The following L3MBTL4 variants were observed in gnomAD, a reference collection of about 807,000 sequenced individuals.
The protein encoded by L3MBTL4 is L3MBTL histone methyl-lysine binding protein 4, also known as lethal(3)malignant brain tumor-like protein 4.
L3MBTL4 carries 70 observed loss-of-function variants against 84.5 expected under a neutral mutation model. The observed-to-expected ratio is 0.83, with a 90% CI of 0.68 to 1.01. L3MBTL4 has a LOEUF of 1.01. L3MBTL4 is among the 50% of genes least tolerant of loss of function. The pLI, the probability that L3MBTL4 is intolerant of heterozygous loss-of-function variation, is 0.00. For missense variants in L3MBTL4, 715 were observed against 754.8 expected, an observed-to-expected ratio of 0.95 and a Z score of 0.62; for synonymous variants, 274 against 259.8, an observed-to-expected ratio of 1.05 and a Z score of -0.52.
intron 4 of L3MBTL4, among the ~76,000 whole-genome samples, chr18:6,269,262 C>T (rs2048764734): frequency 6.6e-6 from 1 of 151,946 alleles, no homozygotes; most frequent in African/African-American, 2.4e-5. Context: ...GAGATCGAGA[C>T]CATCCTAACA....
intron 16 of L3MBTL4, among the ~76,000 whole-genome samples, chr18:5,990,271 C>T (rs1008514324): frequency 3.3e-5 from 5 of 152,206 alleles, no homozygotes; most frequent in Non-Finnish European, 2.9e-5. Context: ...AAAATGGCAA[C>T]TACTTTATAA....
At chr18:6,308,173 T>C (rs1021169629) in intron 3 of L3MBTL4, among the ~76,000 whole-genome samples, 2 of 152,152 alleles carry the variant, frequency 1.3e-5, no homozygotes, top group African/African-American at 4.8e-5. Context: ...AAAGACAAAA[T>C]ACGTCAAGGA....
intron 10 of L3MBTL4, among the ~76,000 whole-genome samples, chr18:6,222,949 TTATAATATAA>T (rs11281784): frequency 7.6e-4 from 110 of 145,640 alleles, no homozygotes; most frequent in African/African-American, 1.1e-3. Context: ...AATTTTTCTA[TTATAATATAA>T]TATAATATAA....
chr18:6,252,750 C>A (rs1166223687), intron 5 of L3MBTL4, among the ~76,000 whole-genome samples: 1 of 152,102 alleles, frequency 6.6e-6, no homozygotes, highest in Non-Finnish European at 1.5e-5. Flanking sequence ...GCAAAAGATG[C>A]AAAAAATATT....
chr18:6,250,959 G>C (rs1416817447), intron 5 of L3MBTL4, among the ~76,000 whole-genome samples: 2 of 152,154 alleles, frequency 1.3e-5, no homozygotes, highest in African/African-American at 4.8e-5. Context: ...GAAATATGAG[G>C]AAGTCTTACA....
chr18:6,229,805 A>G lies in L3MBTL4; in HGVS notation c.784+8159T>C, dbSNP rs947808681. Among the ~76,000 whole-genome samples the G allele has an allele frequency of 3.3e-5, 5 of 152,032 alleles. No homozygotes were observed. In the South Asian group the frequency reaches 1.0e-3, roughly 32 times the overall value. The stretch of plus-strand genomic sequence containing the variant: ...CCATAACTGCAAGGGTGTATTTGTG[A>G]GCTCTCTATTCTACTCCACTCTCTA... On this transcript the variant is annotated intron_variant, in intron 10 of 18. Transcript: ENST00000317931.
At chr18:5,992,319 G>A (rs2053740879) in intron 16 of L3MBTL4, among the ~76,000 whole-genome samples, 1 of 152,112 alleles carries the variant, frequency 6.6e-6, no homozygotes, top group Admixed American at 6.5e-5. Context: ...CTGGTTATGG[G>A]GGCCTGGGCC....
chr18:5,987,448 C>T (rs552564381), intron 16 of L3MBTL4, among the ~76,000 whole-genome samples: 26 of 152,344 alleles, frequency 1.7e-4, no homozygotes, highest in Admixed American at 1.4e-3. Context: ...CCCGTGGCCA[C>T]GTGTGGATGC....
At chr18:6,385,818 T>C (rs1431137952) in intron 1 of L3MBTL4, among the ~76,000 whole-genome samples, 1 of 152,252 alleles carries the variant, frequency 6.6e-6, no homozygotes, top group Non-Finnish European at 1.5e-5. Flanking sequence ...ATATGGTCTA[T>C]CAGCTAGTCC....
At chr18:6,052,999 T>C (rs956502424) in intron 16 of L3MBTL4, among the ~76,000 whole-genome samples, 5 of 152,230 alleles carry the variant, frequency 3.3e-5, no homozygotes, top group African/African-American at 1.2e-4. Flanking sequence ...AGAACAAATT[T>C]ATCATTCGGA....
At chr18:6,215,501 G>A (rs1306357709) in intron 11 of L3MBTL4, among the ~76,000 whole-genome samples, 2 of 152,160 alleles carry the variant, frequency 1.3e-5, no homozygotes, top group African/African-American at 2.4e-5. Context: ...AGTTGATGAG[G>A]TGTTTTCAAT....
At chr18:6,305,059 T>C (rs2050521332) in intron 3 of L3MBTL4, among the ~76,000 whole-genome samples, 1 of 152,240 alleles carries the variant, frequency 6.6e-6, no homozygotes, top group Non-Finnish European at 1.5e-5. Context: ...CCAACATCTG[T>C]ACGTTCTTTA....
chr18:6,327,562 C>T (rs1355935447), intron 1 of L3MBTL4, among the ~76,000 whole-genome samples: 1 of 152,108 alleles, frequency 6.6e-6, no homozygotes, highest in African/African-American at 2.4e-5. Context: ...TACACACACA[C>T]ATCAGGTTAA....
At chr18:5,987,497 T>C (rs768656005) in intron 16 of L3MBTL4, among the ~76,000 whole-genome samples, 1 of 152,240 alleles carries the variant, frequency 6.6e-6, no homozygotes, top group African/African-American at 2.4e-5. Context: ...TCTTGCTACT[T>C]GTATCTGTCT....
intron 16 of L3MBTL4, among the ~76,000 whole-genome samples, chr18:6,059,822 A>T (rs2057146260): frequency 6.6e-6 from 1 of 152,208 alleles, no homozygotes; most frequent in Admixed American, 6.6e-5. Flanking sequence ...CCTAGAGGCC[A>T]TTAGAATGCC....
intron 14 of L3MBTL4, among the ~76,000 whole-genome samples, chr18:6,131,083 G>T (rs987522449): frequency 1.3e-5 from 2 of 152,134 alleles, no homozygotes; most frequent in Non-Finnish European, 2.9e-5. Flanking sequence ...TGATGTCATC[G>T]TTCTCTTTGT....
intron 1 of L3MBTL4, among the ~76,000 whole-genome samples, chr18:6,406,147 G>GACAT (rs1356609709): frequency 6.6e-6 from 1 of 152,228 alleles, no homozygotes; most frequent in African/African-American, 2.4e-5. Context: ...AACAAAGGTT[G>GACAT]ACATGACATC....
chr18:6,347,306 T>C (rs898766716), intron 1 of L3MBTL4, among the ~76,000 whole-genome samples: 15 of 151,882 alleles, frequency 9.9e-5, no homozygotes, highest in Admixed American at 9.2e-4. Context: ...ATGGTTAAAG[T>C]CTGTTAAGAG....
At chr18:6,109,988 G>A (rs598579) in intron 14 of L3MBTL4, among the ~76,000 whole-genome samples, 5 of 152,104 alleles carry the variant, frequency 3.3e-5, no homozygotes, top group East Asian at 1.9e-4. Flanking sequence ...ACTCGCACAC[G>A]GGGTGAAGGA....
Sources: allele counts gnomAD v4.1 joint callset (sites outside exome capture counted in the v4.1 genomes callset), GRCh38; gene constraint gnomAD v4.1.1; transcripts MANE v1.5; gene names NCBI Gene and HGNC (gene_info 2026-07-23, HGNC 2026-07-21).